Variants in PRKCZ observed in about 807,000 individuals in gnomAD.
PRKCZ encodes the protein protein kinase C zeta, also known as protein kinase C zeta type.
A neutral mutation model predicts 79.5 loss-of-function variants in PRKCZ; 33 were observed. The observed-to-expected ratio is 0.41, with a 90% CI of 0.31 to 0.55. The LOEUF is 0.55. Among genes scored for constraint, PRKCZ ranks in the 20% least tolerant of loss-of-function variants. PRKCZ has a pLI of 0.19. For missense variants in PRKCZ, 578 were observed against 813.5 expected (o/e 0.71, Z 3.52); for synonymous variants, 342 against 320.9 (o/e 1.07, Z -0.70).
intron 4 of PRKCZ, among the ~76,000 whole-genome samples, chr1:2,078,646 C>A (rs1174414247): frequency 1.3e-5 from 2 of 152,178 alleles, no homozygotes; most frequent in Non-Finnish European, 2.9e-5. Flanking sequence ...GTCTCTGACT[C>A]TCTTTTAGAG....
At position 2,148,969 on chromosome 1, in the gene PRKCZ, A is replaced by C. The variant is rs1280372410; in HGVS notation, c.687+45A>C. 2.5e-6 allele frequency: 4 copies of C among 1,585,796 alleles called. No homozygotes were observed. The South Asian group carries it at 4.4e-5, about 18-fold the overall frequency. On this transcript the variant is annotated intron_variant, in intron 8 of 17. Coordinates refer to ENST00000378567, the MANE Select transcript of PRKCZ (RefSeq NM_002744.6). ...CGCTGCCATTTCCGACGTCCTCTGG[A>C]AAGTCTGTGAGCCTGTCTCTGGGGT...
intron 4 of PRKCZ, among the ~76,000 whole-genome samples, chr1:2,119,538 T>C (rs1176965694): frequency 6.6e-6 from 1 of 152,152 alleles, no homozygotes; most frequent in African/African-American, 2.4e-5. Flanking sequence ...TTCCTTATTG[T>C]TAGTTTGTGC....
Position 2,172,007 on chromosome 1 carries a change from C to A in PRKCZ, c.1062-48C>A. The A allele has an allele frequency of 6.5e-7, 1 of 1,542,566 alleles. No individual in the cohort carries two copies. Among genetic ancestry groups the A allele is most frequent in the Admixed American group, 1.9e-5 (1 of 51,318 alleles). ...GGCCCCCAGGCTGGAGCTGTTGGCG[C>A]AGCCTCTGGCACAGGCACTGCCCCC... On this transcript the variant is annotated intron_variant, in intron 11 of 17. Coordinates refer to ENST00000378567, the MANE Select transcript of PRKCZ (RefSeq NM_002744.6). The surrounding 1 kb of genome is among the most constrained non-coding windows in gnomAD (Gnocchi z 7.8).
intron 4 of PRKCZ, chr1:2,098,450 G>A (rs572705633): frequency 4.6e-5 from 7 of 152,280 alleles, no homozygotes; most frequent in East Asian, 1.9e-4. Context: ...TCAGCTCTTC[G>A]AGTTGCTGGC....
chr1:2,144,695 G>A, intron 6 of PRKCZ: 1 of 997,828 alleles, frequency 1.0e-6, no homozygotes, highest in Non-Finnish European at 1.2e-6. Context: ...TGACCTAGTA[G>A]CATTGGGCAC....
rs1040957975 is a variant in PRKCZ at position 2,055,520 on chromosome 1, C to T, written c.151C>T (p.His51Tyr). 1 of 1,614,092 alleles carries T rather than the reference C, an allele frequency of 6.2e-7. No individual in the cohort carries two copies. The highest frequency in any genetic ancestry group is 8.5e-7 in the Non-Finnish European group (1 of 1,179,994). The change falls in exon 2 of 18, where the codon CAC becomes TAC. Residue 51 changes from histidine to tyrosine, a missense_variant. His to Tyr is a moderately conservative substitution (Grantham distance 83). Around this residue, in one of 4 missense-constraint regions of PRKCZ, gnomAD observed 228 missense variants for 211.6 expected, o/e 1.08. Coordinates refer to ENST00000378567, the MANE Select transcript of PRKCZ (RefSeq NM_002744.6). ...CEEVRDMCRL[H>Y]QQHPLTLKWV... ...GGAAGTGAGAGACATGTGTCGTCTG[C>T]ACCAGCAGCACCCGCTCACCCTCAA...
At chr1:2,114,887 C>T (rs1040329994) in intron 4 of PRKCZ, among the ~76,000 whole-genome samples, 1 of 152,250 alleles carries the variant, frequency 6.6e-6, no homozygotes, top group Non-Finnish European at 1.5e-5. Flanking sequence ...CCTCCATTCT[C>T]TGATTTCTTT....
Position 2,128,569 on chromosome 1 carries a change from G to A in PRKCZ, c.335-6693G>A, listed in dbSNP as rs1201843070. Among the ~76,000 whole-genome samples the A allele has an allele frequency of 2.6e-5, 4 of 152,234 alleles. No individual in the cohort carries two copies. Among genetic ancestry groups the A allele is most frequent in the Non-Finnish European group, 5.9e-5 (4 of 68,032 alleles). ...CAAAGACACGCACAGAGCTCCTTGA[G>A]GTTGTCGGAGTTAAGGCTGAAAGAG... On this transcript the variant is annotated intron_variant, in intron 4 of 17. Transcript: ENST00000378567. This position sits in a 1 kb window ranked among gnomAD's most constrained non-coding sequence, Gnocchi z 6.5.
At position 2,159,042 on chromosome 1, in the gene PRKCZ, C is replaced by G. The variant is rs186140811; in HGVS notation, c.974+2950C>G. Among the ~76,000 whole-genome samples, 10 of 152,250 alleles carry G rather than the reference C, an allele frequency of 6.6e-5. No individual in the cohort carries two copies. In the East Asian group the frequency reaches 1.5e-3, roughly 24 times the overall value. ...CCTGGTTCACGCCATTCTCCTGCCT[C>G]AGCCTCCTGAGTAGCTGGGACTACA... On this transcript the variant is annotated intron_variant, in intron 10 of 17. Transcript: ENST00000378567.
chr1:2,102,248 T>C (rs530126216), intron 4 of PRKCZ, among the ~76,000 whole-genome samples: 2 of 152,054 alleles, frequency 1.3e-5, no homozygotes, highest in South Asian at 4.2e-4. Context: ...GTGGGTAATT[T>C]ATTGATTCAT....
intron 4 of PRKCZ, among the ~76,000 whole-genome samples, chr1:2,085,979 C>G (rs1405747762): frequency 5.9e-5 from 9 of 152,068 alleles, no homozygotes; most frequent in Non-Finnish European, 1.3e-4. Flanking sequence ...GCTGTGTCTT[C>G]TCCCCTCCCT....
At chr1:2,121,255 G>A (rs1280501046) in intron 4 of PRKCZ, among the ~76,000 whole-genome samples, 1 of 152,196 alleles carries the variant, frequency 6.6e-6, no homozygotes, top group Admixed American at 6.5e-5. Flanking sequence ...AAGGCATGGG[G>A]GAGCCTGGAG....
At chr1:2,077,345 C>T (rs1378995234) in intron 4 of PRKCZ, among the ~76,000 whole-genome samples, 2 of 152,212 alleles carry the variant, frequency 1.3e-5, no homozygotes, top group Non-Finnish European at 2.9e-5. Flanking sequence ...GACTGCAAGA[C>T]GGAGCCGCCC....
chr1:2,157,007 G>A (rs1255022491), intron 10 of PRKCZ, among the ~76,000 whole-genome samples: 3 of 152,216 alleles, frequency 2.0e-5, no homozygotes, highest in Admixed American at 2.0e-4. Flanking sequence ...TCCGCCATCT[G>A]CAGGCTGGAG....
At chr1:2,060,640 A>G (rs1268974691) in intron 4 of PRKCZ, among the ~76,000 whole-genome samples, 1 of 152,216 alleles carries the variant, frequency 6.6e-6, no homozygotes, top group Non-Finnish European at 1.5e-5. Context: ...CCCTCAGCCA[A>G]CCGGGGTCCC....
intron 1 of PRKCZ, among the ~76,000 whole-genome samples, chr1:2,054,759 C>A (rs572021760): frequency 3.3e-5 from 5 of 152,178 alleles, no homozygotes; most frequent in African/African-American, 9.6e-5. Context: ...GCGGCCTGCA[C>A]CGACCCGGCT....
chr1:2,085,215 C>G (rs766965978), intron 4 of PRKCZ, among the ~76,000 whole-genome samples: 1 of 152,200 alleles, frequency 6.6e-6, no homozygotes, highest in Non-Finnish European at 1.5e-5. Context: ...CTGTACGGCT[C>G]TCTGAAACTT....
chr1:2,052,551 T>C (rs544859090), intron 1 of PRKCZ, among the ~76,000 whole-genome samples: 2 of 151,936 alleles, frequency 1.3e-5, no homozygotes, highest in African/African-American at 4.8e-5. Flanking sequence ...CCTCTGGCTC[T>C]TCCCTGCTCC....
At chr1:2,158,874 G>A (rs1273222445) in intron 10 of PRKCZ, among the ~76,000 whole-genome samples, 1 of 152,134 alleles carries the variant, frequency 6.6e-6, no homozygotes, top group East Asian at 1.9e-4. Context: ...ACTGTCCTGT[G>A]GGAGCATTCG....
Sources: gnomAD v4.1 joint callset for allele counts (sites outside exome capture counted in the v4.1 genomes callset) on GRCh38, gnomAD v4.1.1 for gene constraint, gnomAD v4.1.1 regional missense constraint, Gnocchi (gnomAD v3.1) non-coding constraint, MANE v1.5 for transcripts, NCBI Gene and HGNC (gene_info 2026-07-23, HGNC 2026-07-21) for gene names.